SLC26A9: variants seen among roughly 807,000 people sequenced by gnomAD.
SLC26A9 encodes anion transporter/exchanger protein 9.
SLC26A9 carries 46 observed loss-of-function variants against 87.1 expected under a neutral mutation model. The observed-to-expected ratio is 0.53, with a 90% CI of 0.42 to 0.67. The LOEUF is 0.67. SLC26A9 is among the 30% of genes least tolerant of loss of function. SLC26A9 has a pLI of 0.00. For missense variants in SLC26A9, 927 were observed against 1,018.3 expected, an observed-to-expected ratio of 0.91 and a Z score of 1.22; for synonymous variants, 437 against 409.1, an observed-to-expected ratio of 1.07 and a Z score of -0.82.
intron 17 of SLC26A9, among the ~76,000 whole-genome samples, chr1:205,921,200 T>C (rs1436485101): frequency 6.6e-6 from 1 of 152,200 alleles, no homozygotes; most frequent in Non-Finnish European, 1.5e-5. Context: ...GGCCGGTGAA[T>C]GAGGGACAAG....
At chr1:205,924,742 G>C in intron 12 of SLC26A9, 1 of 444,486 alleles carries the variant, frequency 2.2e-6, no homozygotes, top group Non-Finnish European at 4.1e-6. Flanking sequence ...ACACAGGGAG[G>C]TGGCATCTAT....
chr1:205,922,772 A>G (rs1405745824), intron 16 of SLC26A9, among the ~76,000 whole-genome samples: 1 of 152,138 alleles, frequency 6.6e-6, no homozygotes, highest in Non-Finnish European at 1.5e-5. Flanking sequence ...GTGTGGTGGC[A>G]CCTGTAATCT....
chr1:205,942,481 G>A (rs959222803), intron 1 of SLC26A9, among the ~76,000 whole-genome samples: 2 of 152,198 alleles, frequency 1.3e-5, no homozygotes, highest in East Asian at 1.9e-4. Context: ...CCTCAGACCC[G>A]TGGGGCCAAG....
At position 205,915,482 on chromosome 1, in the gene SLC26A9, A is replaced by G. The variant is rs1658551651; in HGVS notation, c.2329-78T>C. The G allele has an allele frequency of 5.7e-6, 9 of 1,592,426 alleles. No homozygotes were observed. The East Asian group carries it at 2.0e-4, about 36-fold the overall frequency. ...TGGGGTCACAGTGGCTGCAACCAAG[A>G]GGTGACCCTAGGAACCCCTGGCCAG... is the stretch of plus-strand genomic sequence containing the variant. On this transcript the variant is annotated intron_variant, in intron 20 of 20. Transcript: ENST00000367135.
intron 17 of SLC26A9, among the ~76,000 whole-genome samples, chr1:205,920,536 T>C (rs1254409081): frequency 6.6e-6 from 1 of 152,190 alleles, no homozygotes; most frequent in Non-Finnish European, 1.5e-5. Context: ...AGTTTCACTC[T>C]GTTGCCCAGG....
At chr1:205,920,441 C>A (rs1189812562) in intron 17 of SLC26A9, among the ~76,000 whole-genome samples, 2 of 152,220 alleles carry the variant, frequency 1.3e-5, no homozygotes, top group East Asian at 3.8e-4. Flanking sequence ...CGGAAATGGA[C>A]TTTTGCCAAC....
intron 1 of SLC26A9, among the ~76,000 whole-genome samples, chr1:205,937,561 G>A (rs1363541215): frequency 1.5e-4 from 23 of 152,228 alleles, no homozygotes; most frequent in Admixed American, 1.4e-3. Flanking sequence ...GAGATCATGT[G>A]TATGAAGAGG....
At chr1:205,925,892 C>T (rs1002937645) in intron 12 of SLC26A9, among the ~76,000 whole-genome samples, 1 of 152,186 alleles carries the variant, frequency 6.6e-6, no homozygotes, top group African/African-American at 2.4e-5. Flanking sequence ...GCGGATGATG[C>T]GGTGGAGTGT....
intron 18 of SLC26A9, among the ~76,000 whole-genome samples, chr1:205,919,884 C>T (rs1364082524): frequency 1.3e-5 from 2 of 152,142 alleles, no homozygotes; most frequent in East Asian, 1.9e-4. Flanking sequence ...TAAAGTGACT[C>T]GGCCAAGGAT....
intron 2 of SLC26A9, chr1:205,934,978 A>G (rs1346292549): frequency 6.6e-6 from 1 of 152,192 alleles, no homozygotes; most frequent in African/African-American, 2.4e-5. Flanking sequence ...CGTTTCCCCA[A>G]GGGAGTGAGG....
chr1:205,926,743 C>T lies in SLC26A9; in HGVS notation c.1294-113G>A, dbSNP rs1034706700. ...ACAGAGACGGAGTTCTGGAACACCT[C>T]CCCTGGCTGATCCCCCAAATCTCTG... On this transcript the variant is annotated intron_variant, in intron 11 of 20. Coordinates refer to ENST00000367135, the MANE Select transcript of SLC26A9 (RefSeq NM_052934.4). 7.3e-6 allele frequency: 6 copies of T among 827,522 alleles called. No homozygotes were observed. The African/African-American group carries it at 1.0e-4, about 14-fold the overall frequency. The allele number at this position is 827,522 out of a possible 1,614,324, so 51.3% of individuals were successfully genotyped here.
chr1:205,923,765 C>T, intron 13 of SLC26A9, 152 bp from the exon 14 acceptor site: 1 of 798,004 alleles, frequency 1.3e-6, no homozygotes, highest in Non-Finnish European at 2.1e-6. Flanking sequence ...GCACTGGAGA[C>T]ACATGTCTGG....
intron 2 of SLC26A9, among the ~76,000 whole-genome samples, chr1:205,934,778 A>G (rs1659442629): frequency 6.6e-6 from 1 of 152,160 alleles, no homozygotes. Context: ...GGCAGAGACC[A>G]CCTGTCTGAG....
rs778368435 is a variant in SLC26A9, at chr1:205,928,891, T to C, written c.889A>G (p.Ile297Val). Reference sequence around the variant, plus strand: ...TTGGGCATCTTACAGCCCCCGGAGATAGCTGTTGCCACCACCACCTGCAAA... The same window carrying C: ...TTGGGCATCTTACAGCCCCCGGAGACAGCTGTTGCCACCACCACCTGCAAA... ...EMIVVVVATAISGGCKMPKKY... is the reference protein window; with the variant it reads ...EMIVVVVATAVSGGCKMPKKY... The change falls in exon 8 of 21, where the codon ATC (isoleucine) becomes GTC (valine). Residue 297 changes from isoleucine (I) to valine (V), a missense_variant. Physicochemically the swap from Ile to Val is conservative, Grantham distance 29. Coordinates refer to ENST00000367135, the MANE Select transcript of SLC26A9 (RefSeq NM_052934.4). 5.6e-6 allele frequency: 9 copies of C among 1,614,132 alleles called. No individual in the cohort carries two copies. The East Asian group carries it at 1.6e-4, about 28-fold the overall frequency.
chr1:205,915,279 C>T lies in SLC26A9; in HGVS notation c.*78G>A, dbSNP rs1450416235. On this transcript the variant is annotated 3_prime_UTR_variant, in exon 21 of 21. Transcript: ENST00000367135. Reference sequence around the variant, plus strand: ...TGCACTTTCCTCCGCCCGACACCCCCTGTGACCCCAGGCTCATCCTTTATG... The same window carrying T: ...TGCACTTTCCTCCGCCCGACACCCCTTGTGACCCCAGGCTCATCCTTTATG... The T allele has an allele frequency of 1.9e-6, 3 of 1,606,444 alleles. No individual in the cohort carries two copies. Among genetic ancestry groups the T allele is most frequent in the Non-Finnish European group, 1.7e-6 (2 of 1,175,424 alleles).
Position 205,923,131 on chromosome 1 carries a change from C to A in SLC26A9, c.1724G>T (p.Arg575Leu). The A allele has an allele frequency of 6.2e-7, 1 of 1,614,092 alleles. No individual in the cohort carries two copies. Among genetic ancestry groups the A allele is most frequent in the Non-Finnish European group, 8.5e-7 (1 of 1,180,022 alleles). The change falls in exon 16 of 21, where the codon CGG becomes CTG. Residue 575 changes from arginine to leucine, a missense_variant. By Grantham distance (102) the Arg-to-Leu change is moderately radical. Transcript: ENST00000367135. ...CCTCTGTTGTGTGGGCCTCATTCTCCGCTTCTCCTGCTTCTTGAGGTATTT... is the reference window on the plus strand; with the variant it reads ...CCTCTGTTGTGTGGGCCTCATTCTCAGCTTCTCCTGCTTCTTGAGGTATTT... Reference protein sequence around the residue: ...KQKYLKKQEKRRMRPTQQRRS... With the variant: ...KQKYLKKQEKLRMRPTQQRRS...
chr1:205,930,238 A>T (rs1269324701), intron 5 of SLC26A9, 182 bp from the exon 6 acceptor site: 1 of 515,916 alleles, frequency 1.9e-6, no homozygotes, highest in Non-Finnish European at 3.2e-6. Flanking sequence ...GGCTGCCATC[A>T]GACCTTCAGC....
chr1:205,917,425 A>G (rs530432530), intron 19 of SLC26A9, 71 bp from the exon 20 acceptor site: 1 of 1,500,596 alleles, frequency 6.7e-7, no homozygotes, highest in African/African-American at 1.4e-5. Context: ...TGGTGGCAGG[A>G]AAAGGGACAG....
intron 11 of SLC26A9, 76 bp from the exon 12 acceptor site, chr1:205,926,706 A>G: frequency 1.7e-6 from 2 of 1,169,380 alleles, no homozygotes; most frequent in South Asian, 1.2e-5. Flanking sequence ...CCCGACCCCA[A>G]GGCCTGGCAG....
Sources: allele counts gnomAD v4.1 joint callset (sites outside exome capture counted in the v4.1 genomes callset), GRCh38; gene constraint gnomAD v4.1.1; transcripts MANE v1.5; gene names NCBI Gene and HGNC (gene_info 2026-07-23, HGNC 2026-07-21).